TRABD2B: variants seen among roughly 807,000 people sequenced by gnomAD.
The protein encoded by TRABD2B is TraB domain containing 2B.
Under a neutral mutation model 40.1 loss-of-function variants are expected in TRABD2B, and 14 were observed. That is an observed-to-expected ratio of 0.35 (90% CI 0.23 to 0.55). TRABD2B has a LOEUF of 0.55. Among genes scored for constraint, TRABD2B ranks in the 20% least tolerant of loss-of-function variants. The pLI, the probability that TRABD2B is intolerant of heterozygous loss-of-function variation, is 0.90. For missense variants in TRABD2B, 541 were observed against 648.6 expected, an observed-to-expected ratio of 0.83 and a Z score of 1.80; for synonymous variants, 263 against 277.0, an observed-to-expected ratio of 0.95 and a Z score of 0.50.
At chr1:47,920,146 C>T (rs547237020) in intron 2 of TRABD2B, among the ~76,000 whole-genome samples, 2 of 152,240 alleles carry the variant, frequency 1.3e-5, no homozygotes, top group East Asian at 1.9e-4. Context: ...TCCTGAGGAT[C>T]GAGTGGTGGA....
At chr1:47,967,432 T>G (rs1017239098) in intron 2 of TRABD2B, among the ~76,000 whole-genome samples, 2 of 152,090 alleles carry the variant, frequency 1.3e-5, no homozygotes, top group Non-Finnish European at 2.9e-5. Flanking sequence ...CCAGAACATA[T>G]GTTAAAACAA....
At chr1:47,855,686 T>C (rs1305756030) in intron 2 of TRABD2B, among the ~76,000 whole-genome samples, 3 of 152,150 alleles carry the variant, frequency 2.0e-5, no homozygotes, top group Non-Finnish European at 2.9e-5. Flanking sequence ...GTGATGGTAA[T>C]TGGAGATGGG....
chr1:47,917,686 A>C (rs1042567903), intron 2 of TRABD2B, among the ~76,000 whole-genome samples: 1 of 152,038 alleles, frequency 6.6e-6, no homozygotes, highest in Non-Finnish European at 1.5e-5. Context: ...GTGAGCTATG[A>C]TTGCACCACT....
intron 2 of TRABD2B, among the ~76,000 whole-genome samples, chr1:47,912,822 AG>A (rs1644781015): frequency 6.6e-6 from 1 of 152,108 alleles, no homozygotes; most frequent in African/African-American, 2.4e-5. Context: ...GGAGCTGGCA[AG>A]GAAGCATCTC....
At chr1:47,911,379 T>C (rs1383262430) in intron 2 of TRABD2B, among the ~76,000 whole-genome samples, 1 of 152,140 alleles carries the variant, frequency 6.6e-6, no homozygotes, top group African/African-American at 2.4e-5. Flanking sequence ...AGTTACAACC[T>C]TTTCCCCAGG....
intron 2 of TRABD2B, among the ~76,000 whole-genome samples, chr1:47,823,501 A>T (rs1484484257): frequency 1.3e-5 from 2 of 152,160 alleles, no homozygotes; most frequent in African/African-American, 4.8e-5. Flanking sequence ...AGTGACAGGG[A>T]GCTCATTAGG....
intron 2 of TRABD2B, among the ~76,000 whole-genome samples, chr1:47,973,575 C>A (rs1039672572): frequency 5.3e-5 from 8 of 152,248 alleles, no homozygotes; most frequent in African/African-American, 1.9e-4. Flanking sequence ...CCACCATGGA[C>A]CAAAATGTGC....
intron 2 of TRABD2B, among the ~76,000 whole-genome samples, chr1:47,991,144 C>T (rs1646005508): frequency 6.6e-6 from 1 of 151,938 alleles, no homozygotes; most frequent in Non-Finnish European, 1.5e-5. Flanking sequence ...AGAACACATC[C>T]TTCATACAGA....
intron 2 of TRABD2B, among the ~76,000 whole-genome samples, chr1:47,863,395 A>ATATATATATATATATAT (rs1553159688): frequency 3.1e-5 from 1 of 31,992 alleles, no homozygotes; most frequent in African/African-American, 1.1e-4. Flanking sequence ...TATATATATA[A>ATATATATATATATATAT]TCTCTTAAAA....
Position 47,778,557 on chromosome 1 carries a change from T to A in TRABD2B, c.989-13A>T. The A allele has an allele frequency of 1.3e-6, 2 of 1,532,592 alleles. No homozygotes were observed. The highest frequency in any genetic ancestry group is 1.7e-6 in the Non-Finnish European group (2 of 1,143,702). The allele number at this position is 1,532,592 out of a possible 1,614,324, so 94.9% of individuals were successfully genotyped here. ...CCCAGAAAGTGACCTGGAACACAAG[T>A]GACAAAAGGGGCTCAGCCACATGCC... On this transcript the variant is annotated splice_polypyrimidine_tract_variant and intron_variant, in intron 4 of 6. Transcript: ENST00000606738.
At chr1:47,858,796 C>T (rs1274080800) in intron 2 of TRABD2B, among the ~76,000 whole-genome samples, 1 of 152,206 alleles carries the variant, frequency 6.6e-6, no homozygotes, top group Non-Finnish European at 1.5e-5. Context: ...CAAGAAGAGG[C>T]CTTTGCCCTG....
chr1:47,842,323 C>T (rs1287750294), intron 2 of TRABD2B, among the ~76,000 whole-genome samples: 2 of 152,162 alleles, frequency 1.3e-5, no homozygotes, highest in African/African-American at 4.8e-5. Flanking sequence ...TTCGTTTGAC[C>T]ACCCCCAGGG....
At chr1:47,975,732 A>T (rs762072786) in intron 2 of TRABD2B, among the ~76,000 whole-genome samples, 2 of 152,202 alleles carry the variant, frequency 1.3e-5, no homozygotes, top group African/African-American at 2.4e-5. Context: ...AATCTGGCCA[A>T]ACACAAGACT....
rs1244720429 is a variant in TRABD2B at position 47,928,446 on chromosome 1, G to C, written c.666+65588C>G. Among the ~76,000 whole-genome samples, 7 of 152,214 alleles carry C rather than the reference G, an allele frequency of 4.6e-5. No homozygotes were observed. In the East Asian group the frequency reaches 1.3e-3, roughly 29 times the overall value. On this transcript the variant is annotated intron_variant, in intron 2 of 6. Transcript: ENST00000606738. ...CTTGCACTGCATGCATTTCATGTTTGATGTTCACAAGCTTTGCCTTCATCT... is the reference window on the plus strand; with the variant it reads ...CTTGCACTGCATGCATTTCATGTTTCATGTTCACAAGCTTTGCCTTCATCT...
chr1:47,892,811 CG>C (rs576639341), intron 2 of TRABD2B, among the ~76,000 whole-genome samples: 174 of 152,310 alleles, frequency 1.1e-3, no homozygotes, highest in African/African-American at 3.9e-3. Flanking sequence ...AAGCCATCAT[CG>C]GAATTCAGGT....
At chr1:47,903,349 G>A (rs955383932) in intron 2 of TRABD2B, among the ~76,000 whole-genome samples, 1 of 152,096 alleles carries the variant, frequency 6.6e-6, no homozygotes, top group Admixed American at 6.5e-5. Flanking sequence ...GCCATTCACA[G>A]AGACCCAGCT....
At position 47,994,649 on chromosome 1, in the gene TRABD2B, A is replaced by T. The variant is rs1646064439; in HGVS notation, c.103-52T>A. On this transcript the variant is annotated intron_variant, in intron 1 of 6. Coordinates refer to ENST00000606738, the MANE Select transcript of TRABD2B (RefSeq NM_001194986.2). The surrounding 1 kb of genome is among the most constrained non-coding windows in gnomAD (Gnocchi z 6.7). Reference sequence around the variant, plus strand: ...AGTGAGGCCGAAGGCAACAGAGTAGAGTCAGGGTAGCCCAGAGGCACGTTG... The same window carrying T: ...AGTGAGGCCGAAGGCAACAGAGTAGTGTCAGGGTAGCCCAGAGGCACGTTG... 6.7e-7 allele frequency: 1 copy of T among 1,483,268 alleles called. No individual in the cohort carries two copies. The highest frequency in any genetic ancestry group is 1.4e-5 in the African/African-American group (1 of 72,150). 91.9% of individuals were successfully genotyped at this position (1,483,268 alleles called of 1,614,324 possible).
At chr1:47,992,066 T>C (rs144591407) in intron 2 of TRABD2B, among the ~76,000 whole-genome samples, 1 of 152,218 alleles carries the variant, frequency 6.6e-6, no homozygotes, top group East Asian at 1.9e-4. Flanking sequence ...GTGAAGGGTA[T>C]GGAGATTAGG....
chr1:47,915,175 G>A (rs1467619245), intron 2 of TRABD2B, among the ~76,000 whole-genome samples: 1 of 152,190 alleles, frequency 6.6e-6, no homozygotes, highest in Non-Finnish European at 1.5e-5. Flanking sequence ...AGATTAGGTC[G>A]AGGCATTCTG....
Sources: gnomAD v4.1 joint callset for allele counts (sites outside exome capture counted in the v4.1 genomes callset) on GRCh38, gnomAD v4.1.1 for gene constraint, Gnocchi (gnomAD v3.1) non-coding constraint, MANE v1.5 for transcripts, NCBI Gene and HGNC (gene_info 2026-07-23, HGNC 2026-07-21) for gene names.